HMGXB3: variants seen among roughly 807,000 people sequenced by gnomAD.
HMGXB3 encodes HMG-box containing 3, also known as HMG domain-containing protein 3.
A neutral mutation model predicts 121.5 loss-of-function variants in HMGXB3; 45 were observed. That is an observed-to-expected ratio of 0.37 (90% CI 0.29 to 0.47). The LOEUF is 0.47. Ranked by LOEUF, HMGXB3 falls within the 20% of genes least tolerant of loss-of-function variation. HMGXB3 has a pLI of 0.99. For missense variants in HMGXB3, 1,376 were observed against 1,602.2 expected (o/e 0.86, Z 2.41); for synonymous variants, 590 against 624.1 (o/e 0.95, Z 0.81).
intron 6 of HMGXB3, among the ~76,000 whole-genome samples, chr5:150,020,274 A>G (rs1015711767): frequency 6.6e-6 from 1 of 152,218 alleles, no homozygotes; most frequent in Admixed American, 6.5e-5. Context: ...GGTTTTGTCT[A>G]AGGCTCTTGT....
chr5:150,020,673 C>A (rs1756068145), intron 6 of HMGXB3, among the ~76,000 whole-genome samples: 1 of 151,820 alleles, frequency 6.6e-6, no homozygotes, highest in Non-Finnish European at 1.5e-5. Context: ...GATCCTCCTG[C>A]CTCAGCTTCC....
chr5:150,031,184 T>G (rs1410618306), intron 10 of HMGXB3, among the ~76,000 whole-genome samples: 2 of 152,232 alleles, frequency 1.3e-5, no homozygotes, highest in Non-Finnish European at 1.5e-5. Flanking sequence ...CAGTTACATT[T>G]AGGCAACGTT....
At position 150,043,067 on chromosome 5, in the gene HMGXB3, C is replaced by G. The variant is rs144895720; in HGVS notation, c.2730+1098C>G. 8.5e-4 allele frequency among the ~76,000 whole-genome samples: 130 copies of G among 152,250 alleles called. 1 individual carries two copies. The Middle Eastern group carries it at 0.024, about 28-fold the overall frequency. On this transcript the variant is annotated intron_variant, in intron 15 of 19. Transcript: ENST00000502717. ...TAAACACAGGAAAGCAAGGTTGTTT[C>G]AGCAGTAGGAAATATGTTAATGTAA...
intron 3 of HMGXB3, among the ~76,000 whole-genome samples, chr5:150,007,063 A>G (rs1431870681): frequency 6.6e-6 from 1 of 152,232 alleles, no homozygotes; most frequent in Non-Finnish European, 1.5e-5. Context: ...ATAATCAGGA[A>G]TAAGGTTTGC....
At chr5:150,030,973 G>T (rs979813690) in intron 10 of HMGXB3, 134 bp downstream of exon 10, 1 of 619,526 alleles carries the variant, frequency 1.6e-6, no homozygotes, top group Non-Finnish European at 2.9e-6. Context: ...GATTGTTAAT[G>T]ATGAAGATCC....
At chr5:150,025,296 T>G (rs1322264567) in intron 7 of HMGXB3, among the ~76,000 whole-genome samples, 1 of 152,232 alleles carries the variant, frequency 6.6e-6, no homozygotes. Context: ...GGATTCTGTG[T>G]ATATCCCTTC....
chr5:150,047,735 C>A lies in HMGXB3; in HGVS notation c.3062C>A (p.Pro1021His). The A allele has an allele frequency of 6.4e-7, 1 of 1,551,768 alleles. No homozygotes were observed. Among genetic ancestry groups the A allele is most frequent in the Non-Finnish European group, 8.7e-7 (1 of 1,147,008 alleles). Residue 1021 changes from proline (P) to histidine (H), a missense_variant, in exon 17 of 20, where the codon CCC (proline) becomes CAC (histidine). Around this residue, in one of 2 missense-constraint regions of HMGXB3, gnomAD observed 1,116 missense variants for 1,369.0 expected, o/e 0.82. Transcript: ENST00000502717. ...CACCTGCTAAGGCAGTGTGGAATCC[C>A]CTTTGGGGCAGAAGACTCCAAGGTG... is the stretch of plus-strand genomic sequence containing the variant. ...LQHLLRQCGI[P>H]FGAEDSKDQL...
intron 1 of HMGXB3, among the ~76,000 whole-genome samples, chr5:150,001,815 C>T (rs185200926): frequency 2.6e-5 from 4 of 152,302 alleles, no homozygotes; most frequent in Middle Eastern, 3.4e-3. Flanking sequence ...ATGAGTGTTT[C>T]CTAACCCGTT....
rs1755543542 is a variant in HMGXB3 at position 150,000,900 on chromosome 5, C to T, written c.-282C>T. The T allele has an allele frequency of 6.5e-6, 1 of 154,784 alleles. No homozygotes were observed. Among genetic ancestry groups the T allele is most frequent in the South Asian group, 2.0e-4 (1 of 4,926 alleles). 9.6% of individuals were successfully genotyped at this position (154,784 alleles called of 1,614,324 possible). ...GAGCGAACCTGTGCTCCTATTCTTG[C>T]CCTTCAGGACCCCATATCGCGACTC... On this transcript the variant is annotated 5_prime_UTR_variant, in exon 1 of 20. Coordinates refer to ENST00000502717, the MANE Select transcript of HMGXB3 (RefSeq NM_014983.3).
intron 11 of HMGXB3, among the ~76,000 whole-genome samples, chr5:150,033,546 G>A (rs1756429596): frequency 6.6e-6 from 1 of 152,152 alleles, no homozygotes. Flanking sequence ...TTGGCTGGAG[G>A]AGATGGCGTG....
rs118145486 is a variant in HMGXB3, at chr5:150,051,425, G to A, written c.3412-300G>A. 9.8e-5 allele frequency among the ~76,000 whole-genome samples: 15 copies of A among 152,296 alleles called. No homozygotes were observed. The East Asian group carries it at 1.7e-3, about 18-fold the overall frequency. Reference sequence around the variant, plus strand: ...AGCATGCTGGGGACTCCAGAAAAGTGTCTTAACCTCAGTCAGAGCCTGATC... The same window carrying A: ...AGCATGCTGGGGACTCCAGAAAAGTATCTTAACCTCAGTCAGAGCCTGATC... On this transcript the variant is annotated intron_variant, in intron 19 of 19. Coordinates refer to ENST00000502717, the MANE Select transcript of HMGXB3 (RefSeq NM_014983.3).
intron 16 of HMGXB3, among the ~76,000 whole-genome samples, chr5:150,046,579 C>T (rs182525508): frequency 9.0e-4 from 137 of 152,110 alleles, no homozygotes; most frequent in African/African-American, 3.2e-3. Context: ...TTGGGAGGCC[C>T]AGGCGGGCGG....
intron 9 of HMGXB3, chr5:150,030,427 G>T: frequency 4.8e-6 from 1 of 207,586 alleles, no homozygotes; most frequent in Non-Finnish European, 9.7e-6. Context: ...ATGCAAAGTT[G>T]TTCAACCATG....
Position 150,010,535 on chromosome 5 carries a change from A to G in HMGXB3, c.737A>G (p.Asp246Gly). 6.4e-7 allele frequency: 1 copy of G among 1,551,250 alleles called. No individual in the cohort carries two copies. Among genetic ancestry groups the G allele is most frequent in the Non-Finnish European group, 8.7e-7 (1 of 1,146,894 alleles). ...GAGACCTTGGTGAATGGCTCACCAG[A>G]CCTCCCCACTGGAAGCCTGGCTGTG... ...IEETLVNGSP[D>G]LPTGSLAVPH... The change falls in exon 4 of 20, where the codon GAC (aspartate) becomes GGC (glycine). Residue 246 changes from aspartate to glycine, a missense_variant. Coordinates refer to ENST00000502717, the MANE Select transcript of HMGXB3 (RefSeq NM_014983.3).
chr5:150,020,001 T>G (rs775645423), intron 6 of HMGXB3, among the ~76,000 whole-genome samples: 4 of 152,210 alleles, frequency 2.6e-5, no homozygotes, highest in Non-Finnish European at 5.9e-5. Flanking sequence ...GGTTTTTAAC[T>G]ATGTAATCTT....
chr5:150,006,593 CG>C lies in HMGXB3; in HGVS notation c.259del (p.Glu87ArgfsTer11). The C allele has an allele frequency of 6.4e-7, 1 of 1,552,174 alleles. No individual in the cohort carries two copies. The highest frequency in any genetic ancestry group is 8.7e-7 in the Non-Finnish European group (1 of 1,147,072). Reference protein sequence around the residue: ...SESWRLLSVAERSYYLEKAKL... With the variant: ...SESWRLLSVAXRSYYLEKAKL... Reference sequence around the variant, plus strand: ...AGAGTTGGAGGCTTCTCAGCGTGGCCGAGAGGAGTTACTACTTGGAGAAAGC... The same window carrying C: ...AGAGTTGGAGGCTTCTCAGCGTGGCCAGAGGAGTTACTACTTGGAGAAAGC... On this transcript the variant is annotated frameshift_variant, in exon 3 of 20. Coordinates refer to ENST00000502717, the MANE Select transcript of HMGXB3 (RefSeq NM_014983.3).
chr5:150,038,218 T>G (rs1756543402), intron 13 of HMGXB3, among the ~76,000 whole-genome samples: 1 of 152,236 alleles, frequency 6.6e-6, no homozygotes, highest in South Asian at 2.1e-4. Flanking sequence ...AGACTTTGGT[T>G]GAATCCTAAG....
At chr5:150,042,736 A>G (rs1401988512) in intron 15 of HMGXB3, among the ~76,000 whole-genome samples, 1 of 152,196 alleles carries the variant, frequency 6.6e-6, no homozygotes, top group Non-Finnish European at 1.5e-5. Flanking sequence ...GTTGGAGGAA[A>G]AGAGTGACCT....
chr5:150,028,619 T>C (rs1756302835), intron 9 of HMGXB3, among the ~76,000 whole-genome samples: 1 of 143,402 alleles, frequency 7.0e-6, no homozygotes, highest in Non-Finnish European at 1.5e-5. Flanking sequence ...CAGGCCGGAG[T>C]GCAGTGGTGC....
Sources: allele counts gnomAD v4.1 joint callset (sites outside exome capture counted in the v4.1 genomes callset), GRCh38; gene constraint gnomAD v4.1.1; regional missense constraint gnomAD v4.1.1; transcripts MANE v1.5; gene names NCBI Gene and HGNC (gene_info 2026-07-23, HGNC 2026-07-21).